Variants in SLC7A1 observed in about 807,000 individuals in gnomAD.
The protein encoded by SLC7A1 is high affinity cationic amino acid transporter 1.
In SLC7A1, 10 loss-of-function variants were observed where a neutral mutation model predicts 53.9. The observed-to-expected ratio is 0.19, with a 90% CI of 0.11 to 0.31. The LOEUF (loss-of-function observed/expected upper bound fraction) is 0.31. Ranked by LOEUF, SLC7A1 falls within the 10% of genes least tolerant of loss-of-function variation. SLC7A1 has a pLI of 1.00. For synonymous variants in SLC7A1, 342 were observed against 338.7 expected, an observed-to-expected ratio of 1.01 and a Z score of -0.11; for missense variants, 525 against 827.2, an observed-to-expected ratio of 0.63 and a Z score of 4.48.
intron 2 of SLC7A1, among the ~76,000 whole-genome samples, chr13:29,548,605 G>A (rs1870033216): frequency 6.6e-6 from 1 of 152,248 alleles, no homozygotes; most frequent in African/African-American, 2.4e-5. Context: ...GTCTATGTAA[G>A]AAACACCGGA....
chr13:29,524,098 G>A (rs888730231), intron 6 of SLC7A1, 34 bp downstream of exon 6: 3 of 1,609,618 alleles, frequency 1.9e-6, no homozygotes, highest in East Asian at 2.2e-5. Flanking sequence ...CAGGGTGCAG[G>A]AGGACCCGGG....
chr13:29,536,962 G>C (rs1215359312), intron 2 of SLC7A1, among the ~76,000 whole-genome samples: 1 of 152,196 alleles, frequency 6.6e-6, no homozygotes, highest in Non-Finnish European at 1.5e-5. Flanking sequence ...CCTCACATGG[G>C]ACATGCCCCA....
At chr13:29,523,182 G>A (rs78005753) in intron 7 of SLC7A1, 84 bp downstream of exon 7, 264 of 1,104,456 alleles carry the variant, frequency 2.4e-4, no homozygotes, top group Non-Finnish European at 3.3e-4. Context: ...TGTGTGTCTC[G>A]CATGGCTGTA....
intron 1 of SLC7A1, among the ~76,000 whole-genome samples, chr13:29,574,303 C>G (rs1871317805): frequency 6.6e-6 from 1 of 152,226 alleles, no homozygotes; most frequent in Non-Finnish European, 1.5e-5. Context: ...AGATGCCTTG[C>G]AACTTCCAGA....
rs1448234722 is a variant in SLC7A1 at position 29,524,142 on chromosome 13, G to A, written c.816C>T (p.Ile272=). The change falls in exon 6 of 13, where the codon ATC becomes ATT. Residue 272 remains isoleucine (I), a synonymous_variant. Coordinates refer to ENST00000380752, the MANE Select transcript of SLC7A1 (RefSeq NM_003045.5). The stretch of plus-strand genomic sequence containing the variant: ...GGCTGGCGGACATACCTGTGGTGGC[G>A]ATGCAGTCAAAGCCCACGAAGGCAT... ...CFYAFVGFDC[I]ATTGEEVKNP... 5.6e-6 allele frequency: 9 copies of A among 1,613,212 alleles called. No homozygotes were observed. The highest frequency in any genetic ancestry group is 1.7e-4 in the Middle Eastern group (1 of 5,746).
intron 2 of SLC7A1, among the ~76,000 whole-genome samples, chr13:29,547,384 C>T (rs1275815441): frequency 4.0e-5 from 6 of 151,754 alleles, no homozygotes; most frequent in East Asian, 1.9e-4. Flanking sequence ...GGGGCTTCGG[C>T]GGAAAGTTGT....
At chr13:29,577,762 G>A (rs1871469129) in intron 1 of SLC7A1, among the ~76,000 whole-genome samples, 1 of 152,190 alleles carries the variant, frequency 6.6e-6, no homozygotes, top group South Asian at 2.1e-4. Context: ...CTCTGGCCGA[G>A]TGTCCTGTCT....
At chr13:29,569,939 C>T (rs1455419714) in intron 1 of SLC7A1, among the ~76,000 whole-genome samples, 1 of 152,230 alleles carries the variant, frequency 6.6e-6, no homozygotes, top group East Asian at 1.9e-4. Flanking sequence ...AAGCACACGG[C>T]TGCTGGCTAG....
In SLC7A1 at chr13:29,540,387, C is replaced by T. The variant is rs564689707; in HGVS notation, c.-14-4185G>A. ...CCTGAGGGGTATCCTCAGAAAAGCA[C>T]GTTTCCCACAGGAATTCTAACTCTG... On this transcript the variant is annotated intron_variant, in intron 2 of 12. Coordinates refer to ENST00000380752, the MANE Select transcript of SLC7A1 (RefSeq NM_003045.5). Among the ~76,000 whole-genome samples, 8 of 152,278 alleles carry T rather than the reference C, an allele frequency of 5.3e-5. No homozygotes were observed. The South Asian group carries it at 1.5e-3, about 28-fold the overall frequency.
intron 1 of SLC7A1, among the ~76,000 whole-genome samples, chr13:29,567,054 G>C (rs1410000197): frequency 6.6e-6 from 1 of 152,202 alleles, no homozygotes; most frequent in Non-Finnish European, 1.5e-5. Context: ...TCTGCTTTGA[G>C]AGTTTCACGA....
chr13:29,594,323 T>C (rs1872219722), intron 1 of SLC7A1, among the ~76,000 whole-genome samples: 2 of 152,274 alleles, frequency 1.3e-5, no homozygotes, highest in South Asian at 2.1e-4. Context: ...CTGGTAACTA[T>C]GTCTGGACTA....
At chr13:29,563,922 C>T (rs765519372) in intron 1 of SLC7A1, among the ~76,000 whole-genome samples, 3 of 152,190 alleles carry the variant, frequency 2.0e-5, no homozygotes, top group Non-Finnish European at 4.4e-5. Context: ...GCAGTTTTCA[C>T]CATGGGGAGG....
intron 1 of SLC7A1, among the ~76,000 whole-genome samples, chr13:29,556,675 G>A (rs577380379): frequency 2.6e-4 from 39 of 152,242 alleles, no homozygotes; most frequent in Non-Finnish European, 4.3e-4. Context: ...CACTGCACCC[G>A]GCCAAAATTT....
Position 29,536,207 on chromosome 13 carries a change from T to C in SLC7A1, c.-14-5A>G, listed in dbSNP as rs1172807024. ...ACCCCATGTTGCTGTTCAGAGCTGT[T>C]GAAAAAGAACAAAGATGTTTCCTGA... On this transcript the variant is annotated splice_region_variant and splice_polypyrimidine_tract_variant and intron_variant, in intron 2 of 12. Transcript: ENST00000380752. 1 of 1,598,080 alleles carries C rather than the reference T, an allele frequency of 6.3e-7. No individual in the cohort carries two copies. The highest frequency in any genetic ancestry group is 8.6e-7 in the Non-Finnish European group (1 of 1,169,390).
chr13:29,552,260 C>G (rs374079231), intron 2 of SLC7A1, among the ~76,000 whole-genome samples: 1 of 149,110 alleles, frequency 6.7e-6, no homozygotes, highest in Non-Finnish European at 1.5e-5. Flanking sequence ...CACACAGACA[C>G]ACACACACAC....
Position 29,514,378 on chromosome 13 carries a change from G to A in SLC7A1, c.*102C>T, listed in dbSNP as rs1377034028. 5.3e-6 allele frequency: 4 copies of A among 760,346 alleles called. No homozygotes were observed. The highest frequency in any genetic ancestry group is 1.6e-5 in the South Asian group (1 of 63,524). 47.1% of individuals were successfully genotyped at this position (760,346 alleles called of 1,614,324 possible). A position where few individuals can be genotyped will look rare whatever the true frequency, so the allele number is the denominator to read the frequency against. Reference sequence around the variant, plus strand: ...CTTTGGCTGCAGTGAGGGTGTGGACGCAGGTGGTTTCTGTTGCACTGGTGG... The same window carrying A: ...CTTTGGCTGCAGTGAGGGTGTGGACACAGGTGGTTTCTGTTGCACTGGTGG... On this transcript the variant is annotated 3_prime_UTR_variant, in exon 13 of 13. Coordinates refer to ENST00000380752, the MANE Select transcript of SLC7A1 (RefSeq NM_003045.5).
Position 29,536,036 on chromosome 13 carries a change from G to C in SLC7A1, c.153C>G (p.Tyr51Ter). 6.2e-7 allele frequency: 1 copy of C among 1,613,962 alleles called. No individual in the cohort carries two copies. Among genetic ancestry groups the C allele is most frequent in the Non-Finnish European group, 8.5e-7 (1 of 1,180,024 alleles). ...GVGSTLGAGV[Y>*]VLAGAVAREN... ...CACGGGCCACAGCTCCAGCCAGGAC[G>C]TAGACACCAGCACCCAGTGTGCTGC... Residue 51 changes from tyrosine (Y) to a stop codon, truncating the protein, a stop_gained, in exon 3 of 13, where the codon TAC becomes TAG. Coordinates refer to ENST00000380752, the MANE Select transcript of SLC7A1 (RefSeq NM_003045.5). LOFTEE classifies it high-confidence loss of function.
intron 1 of SLC7A1, among the ~76,000 whole-genome samples, chr13:29,580,435 G>A (rs895636501): frequency 2.0e-5 from 3 of 152,048 alleles, no homozygotes; most frequent in African/African-American, 7.2e-5. Flanking sequence ...CCCGTTTTGA[G>A]ATCTATTCCA....
chr13:29,527,072 TA>T (rs34724516), intron 5 of SLC7A1, among the ~76,000 whole-genome samples: 83,142 of 143,792 alleles, frequency 0.58, 25,398 homozygotes, highest in Middle Eastern at 0.71. Context: ...AGGGCCTGAT[TA>T]AAAAAAAAAA....
Sources: allele counts gnomAD v4.1 joint callset (sites outside exome capture counted in the v4.1 genomes callset), GRCh38; gene constraint gnomAD v4.1.1; transcripts MANE v1.5; gene names NCBI Gene and HGNC (gene_info 2026-07-23, HGNC 2026-07-21).